SORCS3: variants seen among roughly 807,000 people sequenced by gnomAD.
SORCS3 encodes VPS10 domain-containing receptor SorCS3.
SORCS3 carries 57 observed loss-of-function variants against 146.3 expected under a neutral mutation model. The observed-to-expected ratio is 0.39, with a 90% CI of 0.31 to 0.49. The LOEUF (loss-of-function observed/expected upper bound fraction) is 0.49. SORCS3 is among the 20% of genes least tolerant of loss of function. The probability of loss-of-function intolerance (pLI) is 0.92; values close to 1 mark genes in which losing one functional copy is unlikely to be tolerated. For missense variants in SORCS3, 1,341 were observed against 1,575.5 expected (o/e 0.85, Z 2.52); for synonymous variants, 653 against 618.5 (o/e 1.06, Z -0.83).
At chr10:105,167,720 T>A (rs753124028) in intron 13 of SORCS3, among the ~76,000 whole-genome samples, 33 of 151,980 alleles carry the variant, frequency 2.2e-4, no homozygotes, top group Non-Finnish European at 4.4e-4. Flanking sequence ...AGAAGTTGAG[T>A]TAGTGGTTTC....
rs12268867 is a variant in SORCS3 at position 104,805,119 on chromosome 10, G to T, written c.628-37673G>T. 3.3e-5 allele frequency among the ~76,000 whole-genome samples: 5 copies of T among 152,312 alleles called. No individual in the cohort carries two copies. In the South Asian group the frequency reaches 1.0e-3, roughly 32 times the overall value. On this transcript the variant is annotated intron_variant, in intron 1 of 26. Transcript: ENST00000369701. ...TCAGTGAGTCATCAAGGGGCCATAAGCCATGGACCCTGCACTTCAGTTGCT... is the reference window on the plus strand; with the variant it reads ...TCAGTGAGTCATCAAGGGGCCATAATCCATGGACCCTGCACTTCAGTTGCT...
intron 20 of SORCS3, among the ~76,000 whole-genome samples, chr10:105,230,951 A>G (rs574916176): frequency 6.6e-6 from 1 of 152,256 alleles, no homozygotes; most frequent in African/African-American, 2.4e-5. Context: ...CAGGGCCCAC[A>G]ATGGTCAAGA....
chr10:104,707,652 G>A (rs1241928734), intron 1 of SORCS3, among the ~76,000 whole-genome samples: 1 of 152,212 alleles, frequency 6.6e-6, no homozygotes, highest in Non-Finnish European at 1.5e-5. Context: ...TATCAACGAT[G>A]AGATCCTATC....
rs147626643 is a variant in SORCS3 at position 104,867,866 on chromosome 10, G to A, written c.695+25007G>A. On this transcript the variant is annotated intron_variant, in intron 2 of 26. Transcript: ENST00000369701. Reference sequence around the variant, plus strand: ...GTACAGAGATATCTGTGTAAATCCTGTAATTGCCAAAATTGACCCATCAAT... The same window carrying A: ...GTACAGAGATATCTGTGTAAATCCTATAATTGCCAAAATTGACCCATCAAT... Among the ~76,000 whole-genome samples, 12 of 152,278 alleles carry A rather than the reference G, an allele frequency of 7.9e-5. 1 individual carries two copies. Among genetic ancestry groups the A allele is most frequent in the African/African-American group, 2.9e-4 (12 of 41,550 alleles).
intron 11 of SORCS3, among the ~76,000 whole-genome samples, chr10:105,163,752 G>A (rs1259992044): frequency 6.6e-6 from 1 of 152,124 alleles, no homozygotes; most frequent in African/African-American, 2.4e-5. Context: ...TATGCTGAGT[G>A]TGGTCATCTT....
At chr10:104,763,977 A>T (rs1035346175) in intron 1 of SORCS3, among the ~76,000 whole-genome samples, 1 of 147,980 alleles carries the variant, frequency 6.8e-6, no homozygotes, top group Non-Finnish European at 1.5e-5. Flanking sequence ...CTCCCCAGCC[A>T]TGCAGAACTA....
At chr10:105,132,248 A>C (rs539941451) in intron 7 of SORCS3, among the ~76,000 whole-genome samples, 49 of 152,296 alleles carry the variant, frequency 3.2e-4, no homozygotes, top group Admixed American at 6.5e-4. Flanking sequence ...GCATATAATA[A>C]ATGCTCAAAA....
chr10:105,054,391 A>G (rs886499297), intron 5 of SORCS3, among the ~76,000 whole-genome samples: 3 of 151,830 alleles, frequency 2.0e-5, no homozygotes, highest in Middle Eastern at 3.4e-3. Context: ...TCAATCATAT[A>G]TATTAGATAT....
At chr10:105,103,006 G>A (rs192703204) in intron 6 of SORCS3, among the ~76,000 whole-genome samples, 5 of 151,996 alleles carry the variant, frequency 3.3e-5, no homozygotes, top group South Asian at 4.2e-4. Flanking sequence ...AGCCAGGGTG[G>A]TCTGATCTCC....
At chr10:104,668,741 G>A (rs2015815090) in intron 1 of SORCS3, among the ~76,000 whole-genome samples, 4 of 152,164 alleles carry the variant, frequency 2.6e-5, no homozygotes, top group African/African-American at 7.2e-5. Context: ...ACTTTTTCAA[G>A]TTTGAATTAG....
At chr10:105,000,713 A>G (rs1351535546) in intron 4 of SORCS3, among the ~76,000 whole-genome samples, 1 of 152,180 alleles carries the variant, frequency 6.6e-6, no homozygotes, top group Non-Finnish European at 1.5e-5. Flanking sequence ...TGATCAGAAG[A>G]CAGTTTGCTG....
chr10:104,903,154 C>T (rs538070689), intron 2 of SORCS3, among the ~76,000 whole-genome samples: 28 of 152,304 alleles, frequency 1.8e-4, no homozygotes, highest in Non-Finnish European at 2.9e-4. Context: ...TCTGTTTCCT[C>T]ATTTTTATGA....
At chr10:104,838,894 T>C (rs957227704) in intron 1 of SORCS3, among the ~76,000 whole-genome samples, 6 of 152,198 alleles carry the variant, frequency 3.9e-5, no homozygotes, top group African/African-American at 1.4e-4. Context: ...CCAGTGGCTC[T>C]TAGGCTCCGG....
chr10:104,751,924 C>CATACATATAT (rs1554848908), intron 1 of SORCS3, among the ~76,000 whole-genome samples: 3 of 38,452 alleles, frequency 7.8e-5, no homozygotes, highest in Non-Finnish European at 2.0e-4. Flanking sequence ...TAATAGGAAG[C>CATACATATAT]ATATATATAT....
intron 1 of SORCS3, among the ~76,000 whole-genome samples, chr10:104,836,769 T>C (rs1377849791): frequency 6.6e-6 from 1 of 152,142 alleles, no homozygotes; most frequent in Non-Finnish European, 1.5e-5. Context: ...GAGTGGATCC[T>C]GCGTATATCA....
intron 7 of SORCS3, among the ~76,000 whole-genome samples, chr10:105,133,832 C>T (rs1022664833): frequency 4.6e-5 from 7 of 151,838 alleles, no homozygotes; most frequent in African/African-American, 1.7e-4. Flanking sequence ...GGTGGTTTTG[C>T]CTGTAGTCCC....
chr10:104,933,890 G>T (rs1211772123), intron 3 of SORCS3, among the ~76,000 whole-genome samples: 3 of 152,234 alleles, frequency 2.0e-5, no homozygotes, highest in Admixed American at 1.3e-4. Context: ...CACAACCCGG[G>T]TTCAAGAGAT....
chr10:104,914,707 G>A (rs2019006669), intron 2 of SORCS3, among the ~76,000 whole-genome samples: 1 of 152,332 alleles, frequency 6.6e-6, no homozygotes, highest in South Asian at 2.1e-4. Context: ...GGCCAGGGAA[G>A]CACTGATTAG....
At chr10:104,754,059 T>C (rs1421678223) in intron 1 of SORCS3, among the ~76,000 whole-genome samples, 1 of 152,136 alleles carries the variant, frequency 6.6e-6, no homozygotes, top group African/African-American at 2.4e-5. Flanking sequence ...GGGGCCCTAT[T>C]TGGGCTGGTC....
Sources: allele counts gnomAD v4.1 joint callset (sites outside exome capture counted in the v4.1 genomes callset), GRCh38; gene constraint gnomAD v4.1.1; transcripts MANE v1.5; gene names NCBI Gene and HGNC (gene_info 2026-07-23, HGNC 2026-07-21).